The following AZI2 variants were observed in gnomAD, a reference collection of about 807,000 sequenced individuals.
The protein encoded by AZI2 is 5-azacytidine-induced protein 2.
AZI2 carries 22 observed loss-of-function variants against 45.8 expected under a neutral mutation model. That is an observed-to-expected ratio of 0.48 (90% CI 0.34 to 0.69). The LOEUF (loss-of-function observed/expected upper bound fraction) is 0.69. Among genes scored for constraint, AZI2 ranks in the 30% least tolerant of loss-of-function variants. AZI2 has a pLI of 0.01. For synonymous variants in AZI2, 137 were observed against 156.7 expected (o/e 0.87, Z 0.94); for missense variants, 417 against 441.5 (o/e 0.94, Z 0.50).
At chr3:28,336,118 T>C (rs570720709) in intron 5 of AZI2, among the ~76,000 whole-genome samples, 21 of 152,228 alleles carry the variant, frequency 1.4e-4, no homozygotes, top group African/African-American at 4.3e-4. Flanking sequence ...AAACAGACTC[T>C]TGGTGAGGAC....
In AZI2 at chr3:28,326,947, A is replaced by C; in HGVS notation, c.651T>G (p.Asp217Glu). The stretch of plus-strand genomic sequence containing the variant: ...GTTCCCAGTATGCATGCTGCATATT[A>C]TCACTGAAATAAATTTTTTTACAAA... Reference protein sequence around the residue: ...RDLQKLSISSDNMQHAYWELK... With the variant: ...RDLQKLSISSENMQHAYWELK... Residue 217 changes from aspartate (D) to glutamate (E), a missense_variant, in exon 7 of 8, where the codon GAT (aspartate) becomes GAG (glutamate). By Grantham distance (45) the Asp-to-Glu change is conservative (BLOSUM62 2). Transcript: ENST00000479665. 1 of 1,596,046 alleles carries C rather than the reference A, an allele frequency of 6.3e-7. No homozygotes were observed. The highest frequency in any genetic ancestry group is 8.6e-7 in the Non-Finnish European group (1 of 1,167,076).
At position 28,340,545 on chromosome 3, in the gene AZI2, G is replaced by T. The variant is rs1297410086; in HGVS notation, c.73C>A (p.Pro25Thr). 4.3e-6 allele frequency: 7 copies of T among 1,612,948 alleles called. No homozygotes were observed. The highest frequency in any genetic ancestry group is 3.4e-6 in the Non-Finnish European group (4 of 1,179,380). ...EKAHKRDTVT[P>T]VSIYSGDESV... The stretch of plus-strand genomic sequence containing the variant: ...TCATCTCCTGAATATATTGAAACTG[G>T]AGTCACTGTATCTCTCTTATGGGCT... Residue 25 changes from proline (P) to threonine (T), a missense_variant, in exon 2 of 8, where the codon CCA becomes ACA. Coordinates refer to ENST00000479665, the MANE Select transcript of AZI2 (RefSeq NM_022461.5).
rs140471139 is a variant in AZI2 at position 28,333,618 on chromosome 3, T to C, written c.589-1191A>G. 7.2e-4 allele frequency among the ~76,000 whole-genome samples: 109 copies of C among 151,820 alleles called. 1 individual carries two copies. Among genetic ancestry groups the C allele is most frequent in the African/African-American group, 2.4e-3 (101 of 41,468 alleles). ...TTTGACAGTTTGAGTGGGAAAATGT[T>C]TTTCCAACTACTATCTAACAATTCA... On this transcript the variant is annotated intron_variant, in intron 5 of 7. Coordinates refer to ENST00000479665, the MANE Select transcript of AZI2 (RefSeq NM_022461.5).
chr3:28,347,221 T>C (rs947923647), intron 1 of AZI2, among the ~76,000 whole-genome samples: 4 of 152,120 alleles, frequency 2.6e-5, no homozygotes, highest in Admixed American at 1.3e-4. Flanking sequence ...TCATGGATTA[T>C]AAAAAAAACT....
At chr3:28,345,461 A>C (rs1404004888) in intron 1 of AZI2, among the ~76,000 whole-genome samples, 1 of 152,156 alleles carries the variant, frequency 6.6e-6, no homozygotes, top group Non-Finnish European at 1.5e-5. Flanking sequence ...TCATGCAAAC[A>C]TTTTATATAT....
intron 6 of AZI2, among the ~76,000 whole-genome samples, chr3:28,327,750 T>A (rs1393914977): frequency 6.6e-6 from 1 of 150,988 alleles, no homozygotes; most frequent in East Asian, 1.9e-4. Flanking sequence ...CTTTTTTTGC[T>A]GCTTAATTGC....
At chr3:28,332,449 G>T in intron 5 of AZI2, 22 bp from the exon 6 acceptor site, 1 of 1,594,664 alleles carries the variant, frequency 6.3e-7, no homozygotes, top group South Asian at 1.1e-5. Context: ...TTAAAAAAAA[G>T]AAGTTTAAAA....
intron 6 of AZI2, 128 bp from the exon 7 acceptor site, chr3:28,327,078 AC>A: frequency 1.6e-6 from 1 of 641,656 alleles, no homozygotes. Flanking sequence ...ACTGAAAAAA[AC>A]AATTGAAAGA....
At chr3:28,341,582 C>T (rs1704019603) in intron 1 of AZI2, 1 of 152,136 alleles carries the variant, frequency 6.6e-6, no homozygotes, top group East Asian at 1.9e-4. Context: ...CATTACTTCT[C>T]TGAGAGTTAG....
intron 6 of AZI2, among the ~76,000 whole-genome samples, chr3:28,329,257 C>T (rs113058961): frequency 6.0e-5 from 9 of 151,110 alleles, no homozygotes; most frequent in South Asian, 4.2e-4. Context: ...ATTTTACACA[C>T]GAGGAAATGG....
At chr3:28,330,684 A>C (rs955292519) in intron 6 of AZI2, among the ~76,000 whole-genome samples, 3 of 151,324 alleles carry the variant, frequency 2.0e-5, no homozygotes, top group Admixed American at 1.3e-4. Flanking sequence ...GTACATAACC[A>C]GAAGAGAGAA....
In AZI2 at chr3:28,336,746, G is replaced by C. The variant is rs1426972432; in HGVS notation, c.579C>G (p.Ala193=). The change falls in exon 5 of 8, where the codon GCC becomes GCG. Residue 193 remains alanine (A), a synonymous_variant. Coordinates refer to ENST00000479665, the MANE Select transcript of AZI2 (RefSeq NM_022461.5). ...CSDLKIELQK[A]KQTDPYQEDN... ...AATAATTCTGTAATACCGTTTGTTT[G>C]GCTTTCTGTAGTTCTATTTTGAGAT... 6.2e-7 allele frequency: 1 copy of C among 1,612,218 alleles called. No homozygotes were observed. Among genetic ancestry groups the C allele is most frequent in the Admixed American group, 1.7e-5 (1 of 59,896 alleles).
intron 5 of AZI2, among the ~76,000 whole-genome samples, chr3:28,336,318 T>C (rs554745273): frequency 6.6e-6 from 1 of 152,232 alleles, no homozygotes; most frequent in South Asian, 2.1e-4. Flanking sequence ...GTGTTTTTCT[T>C]TGTTGTTGTT....
chr3:28,333,509 A>AT (rs941213774), intron 5 of AZI2, among the ~76,000 whole-genome samples: 28 of 147,942 alleles, frequency 1.9e-4, no homozygotes, highest in Middle Eastern at 6.8e-3. Context: ...ATGAATTAAA[A>AT]TTTTTTTTTT....
At chr3:28,328,208 C>G (rs1006314036) in intron 6 of AZI2, among the ~76,000 whole-genome samples, 1 of 150,876 alleles carries the variant, frequency 6.6e-6, no homozygotes, top group Non-Finnish European at 1.5e-5. Flanking sequence ...ATAATTAGTT[C>G]ACAAAATTAA....
At chr3:28,330,204 C>T (rs1433269285) in intron 6 of AZI2, among the ~76,000 whole-genome samples, 1 of 150,974 alleles carries the variant, frequency 6.6e-6, no homozygotes, top group African/African-American at 2.4e-5. Context: ...TCTGATAGGG[C>T]TATTATTGTT....
rs1703296977 is a variant in AZI2, at chr3:28,324,278, T to C, written c.943A>G (p.Ile315Val). 3.1e-6 allele frequency: 5 copies of C among 1,608,902 alleles called. No homozygotes were observed. Among genetic ancestry groups the C allele is most frequent in the African/African-American group, 1.3e-5 (1 of 74,672 alleles). The change falls in exon 8 of 8, where the codon ATC (isoleucine) becomes GTC (valine). Residue 315 changes from isoleucine (I) to valine (V), a missense_variant. Ile to Val is a conservative substitution (Grantham distance 29). Transcript: ENST00000479665. The stretch of plus-strand genomic sequence containing the variant: ...TCATTGTCTGTCCATGATTGGAGGA[T>C]TGCTTTCTCTGATAAAACCTTTACA... Reference protein sequence around the residue: ...GDVKVLSEKAILQSWTDNERS... With the variant: ...GDVKVLSEKAVLQSWTDNERS...
At chr3:28,332,551 CAATT>C in intron 5 of AZI2, 124 bp from the exon 6 acceptor site, 1 of 672,104 alleles carries the variant, frequency 1.5e-6, no homozygotes, top group South Asian at 2.1e-5. Context: ...GCAAAGAATA[CAATT>C]AGATTTTATA....
At position 28,340,061 on chromosome 3, in the gene AZI2, T is replaced by C. The variant is rs1326410760; in HGVS notation, c.216+341A>G. Among the ~76,000 whole-genome samples, 3 of 151,980 alleles carry C rather than the reference T, an allele frequency of 2.0e-5. No homozygotes were observed. In the East Asian group the frequency reaches 5.8e-4, roughly 29 times the overall value. The stretch of plus-strand genomic sequence containing the variant: ...ATGTTCCAGAAGCTTCCTCCTTTGA[T>C]ACTTAATTTCCTTTGTTGGTATATC... On this transcript the variant is annotated intron_variant, in intron 2 of 7. Coordinates refer to ENST00000479665, the MANE Select transcript of AZI2 (RefSeq NM_022461.5).
Sources: gnomAD v4.1 joint callset for allele counts (sites outside exome capture counted in the v4.1 genomes callset) on GRCh38, gnomAD v4.1.1 for gene constraint, MANE v1.5 for transcripts, NCBI Gene and HGNC (gene_info 2026-07-23, HGNC 2026-07-21) for gene names.